The following PKD2L1 variants were observed in gnomAD, a reference collection of about 807,000 sequenced individuals.
PKD2L1 encodes polycystin 2 like 1, transient receptor potential cation channel, also known as polycystin-2-like protein 1.
Under a neutral mutation model 93.0 loss-of-function variants are expected in PKD2L1, and 77 were observed. The ratio of observed to expected loss-of-function variants is 0.83; its 90% CI spans 0.69 to 1.00. The LOEUF is 1.00. Among genes scored for constraint, PKD2L1 ranks in the 50% least tolerant of loss-of-function variants. The pLI is 0.00. For missense variants in PKD2L1, 977 were observed against 990.9 expected, an observed-to-expected ratio of 0.99 and a Z score of 0.19; for synonymous variants, 390 against 388.0, an observed-to-expected ratio of 1.01 and a Z score of -0.06.
At chr10:100,309,694 A>G (rs1310349930) in intron 2 of PKD2L1, among the ~76,000 whole-genome samples, 1 of 152,156 alleles carries the variant, frequency 6.6e-6, no homozygotes, top group Non-Finnish European at 1.5e-5. Flanking sequence ...AACCCATTTC[A>G]GGTCAAGGAG....
At chr10:100,303,200 T>C (rs1428874443) in intron 2 of PKD2L1, among the ~76,000 whole-genome samples, 1 of 144,322 alleles carries the variant, frequency 6.9e-6, no homozygotes. Context: ...TGTTTTTTTG[T>C]TTTTTTTTTT....
chr10:100,306,897 AAAAAAC>A (rs948023852), intron 2 of PKD2L1, among the ~76,000 whole-genome samples: 12 of 150,952 alleles, frequency 7.9e-5, no homozygotes, highest in African/African-American at 2.4e-4. Flanking sequence ...AGAAAGAAAG[AAAAAAC>A]AAAAACAAAA....
chr10:100,294,387 C>T (rs1439687796), intron 9 of PKD2L1, 148 bp downstream of exon 9: 10 of 809,114 alleles, frequency 1.2e-5, no homozygotes, highest in Non-Finnish European at 2.0e-5. Context: ...CTACATTAAC[C>T]ATCTCTCAGA....
chr10:100,302,150 TA>T (rs750377070), intron 2 of PKD2L1, among the ~76,000 whole-genome samples: 50 of 152,272 alleles, frequency 3.3e-4, no homozygotes, highest in Admixed American at 1.0e-3. Flanking sequence ...GGTGATTTTT[TA>T]AAATTCCACA....
chr10:100,302,466 G>A (rs1848703670), intron 2 of PKD2L1, among the ~76,000 whole-genome samples: 1 of 151,960 alleles, frequency 6.6e-6, no homozygotes, highest in Non-Finnish European at 1.5e-5. Context: ...GGTGGTGGAG[G>A]TGGGCGGATC....
Position 100,291,286 on chromosome 10 carries a change from A to G in PKD2L1, c.2007+15T>C. ...ATTTCCTTACACTGCCTCTCCACCC[A>G]TCAGCCCAGCTCACCCTCTCTTCCT... On this transcript the variant is annotated intron_variant, in intron 12 of 15. Coordinates refer to ENST00000318222, the MANE Select transcript of PKD2L1 (RefSeq NM_016112.3). 5 of 1,612,292 alleles carry G rather than the reference A, an allele frequency of 3.1e-6. No individual in the cohort carries two copies. The highest frequency in any genetic ancestry group is 4.2e-6 in the Non-Finnish European group (5 of 1,179,002).
chr10:100,321,750 A>G (rs866791599), intron 2 of PKD2L1, among the ~76,000 whole-genome samples: 11 of 5,740 alleles, frequency 1.9e-3, no homozygotes, highest in Non-Finnish European at 3.7e-3. Context: ...AAAGAAAGAA[A>G]GAAAGAAGGG....
intron 2 of PKD2L1, among the ~76,000 whole-genome samples, chr10:100,325,797 T>C (rs890873407): frequency 2.6e-5 from 4 of 152,208 alleles, no homozygotes; most frequent in Non-Finnish European, 5.9e-5. Context: ...TAGGCACTAT[T>C]TACCATGTGC....
In PKD2L1 at chr10:100,297,511, C is replaced by A; in HGVS notation, c.827G>T (p.Gly276Val). The A allele has an allele frequency of 6.2e-7, 1 of 1,614,162 alleles. No homozygotes were observed. Reference protein sequence around the residue: ...SGGGYYLDLPGSRQGSAEALR... With the variant: ...SGGGYYLDLPVSRQGSAEALR... ...AGCCTCTGCACTACCCTGTCGGGAT[C>A]CTGGAAGGTCCAGGTAGTAGCCACC... is the stretch of plus-strand genomic sequence containing the variant. Residue 276 changes from glycine (G) to valine (V), a missense_variant, in exon 5 of 16, where the codon GGA becomes GTA. By Grantham distance (109) the Gly-to-Val change is moderately radical. Coordinates refer to ENST00000318222, the MANE Select transcript of PKD2L1 (RefSeq NM_016112.3).
rs191308683 is a variant in PKD2L1, at chr10:100,292,630, T to C, written c.1880+318A>G. 3.0e-3 allele frequency among the ~76,000 whole-genome samples: 453 copies of C among 152,312 alleles called. 4 individuals carry two copies. The highest frequency in any genetic ancestry group is 0.011 in the African/African-American group (442 of 41,566). ...AATGGCTAAAGGAATAGATGAGTGT[T>C]TGTGGGGAAGCATAGAACAAAAATC... On this transcript the variant is annotated intron_variant, in intron 11 of 15. Transcript: ENST00000318222.
intron 2 of PKD2L1, among the ~76,000 whole-genome samples, chr10:100,313,285 G>A (rs7911598): frequency 0.57 from 86,996 of 151,978 alleles, 25,201 homozygotes; most frequent in Admixed American, 0.68. Context: ...TTTAGTGCTA[G>A]AAACCAAGGA....
In PKD2L1 at chr10:100,298,742, G is replaced by A; in HGVS notation, c.551C>T (p.Ser184Phe). Reference protein sequence around the residue: ...WYNNQSLGHGSHSFIYYENML... With the variant: ...WYNNQSLGHGFHSFIYYENML... ...GTTCTCATAGTAGATGAAGGAGTGG[G>A]AGCCATGGCCCAGGCTCTGGTTGTT... The change falls in exon 4 of 16, where the codon TCC becomes TTC. Residue 184 changes from serine (S) to phenylalanine (F), a missense_variant. Ser to Phe is a radical substitution (Grantham distance 155, BLOSUM62 -2). Coordinates refer to ENST00000318222, the MANE Select transcript of PKD2L1 (RefSeq NM_016112.3). The A allele has an allele frequency of 6.2e-7, 1 of 1,613,982 alleles. No individual in the cohort carries two copies. The highest frequency in any genetic ancestry group is 8.5e-7 in the Non-Finnish European group (1 of 1,179,990).
At chr10:100,328,576 G>C (rs1388102247) in intron 2 of PKD2L1, among the ~76,000 whole-genome samples, 1 of 142,842 alleles carries the variant, frequency 7.0e-6, no homozygotes, top group South Asian at 2.2e-4. Flanking sequence ...AAACAGAAGG[G>C]AGTGGTTTTC....
At position 100,329,929 on chromosome 10, in the gene PKD2L1, C is replaced by A; in HGVS notation, c.175G>T (p.Glu59Ter). ...GACACCTGGGTCCTGTATGCCGTCT[C>A]CTGGGGTTCATCTTCAGGCTTCTTG... ...QPKKPEDEPQ[E>*]TAYRTQVSSC... The change falls in exon 1 of 16, where the codon GAG becomes TAG. Residue 59 changes from glutamate to a stop codon, truncating the protein, a stop_gained. Coordinates refer to ENST00000318222, the MANE Select transcript of PKD2L1 (RefSeq NM_016112.3). LOFTEE classifies it high-confidence loss of function. 6.2e-7 allele frequency: 1 copy of A among 1,614,014 alleles called. No homozygotes were observed. Among genetic ancestry groups the A allele is most frequent in the South Asian group, 1.1e-5 (1 of 91,078 alleles).
rs889478600 is a variant in PKD2L1 at position 100,296,243 on chromosome 10, T to C, written c.1235A>G (p.Asn412Ser). ...GFHIFRTLEV[N>S]RLMGKLLQQP... ...CTGCAGGAGCTTCCCCATGAGCCGA[T>C]TCACCTCGAGGGTTCGGAATATGTG... The change falls in exon 7 of 16, where the codon AAT becomes AGT. Residue 412 changes from asparagine (N) to serine (S), a missense_variant. Coordinates refer to ENST00000318222, the MANE Select transcript of PKD2L1 (RefSeq NM_016112.3). 1.2e-6 allele frequency: 2 copies of C among 1,610,486 alleles called. No individual in the cohort carries two copies. The highest frequency in any genetic ancestry group is 1.7e-6 in the Non-Finnish European group (2 of 1,178,510).
chr10:100,294,002 A>T (rs1848464751), intron 9 of PKD2L1, among the ~76,000 whole-genome samples: 1 of 152,100 alleles, frequency 6.6e-6, no homozygotes, highest in South Asian at 2.1e-4. Flanking sequence ...GGTCCTATCT[A>T]CTCAGGAAGC....
chr10:100,311,171 T>G (rs1423250581), intron 2 of PKD2L1, among the ~76,000 whole-genome samples: 1 of 152,252 alleles, frequency 6.6e-6, no homozygotes, highest in Non-Finnish European at 1.5e-5. Context: ...CAATGAGAAC[T>G]ATGAAACCTA....
At chr10:100,313,379 C>T (rs1848976343) in intron 2 of PKD2L1, among the ~76,000 whole-genome samples, 1 of 152,146 alleles carries the variant, frequency 6.6e-6, no homozygotes, top group African/African-American at 2.4e-5. Context: ...GGAAACCAGG[C>T]AGGAAAAACC....
At chr10:100,301,434 C>G (rs912613526) in intron 2 of PKD2L1, among the ~76,000 whole-genome samples, 2 of 149,804 alleles carry the variant, frequency 1.3e-5, no homozygotes, top group African/African-American at 5.0e-5. Context: ...GCAGACACCC[C>G]CAGAGCAGCC....
Sources: gnomAD v4.1 joint callset for allele counts (sites outside exome capture counted in the v4.1 genomes callset) on GRCh38, gnomAD v4.1.1 for gene constraint, MANE v1.5 for transcripts, NCBI Gene and HGNC (gene_info 2026-07-23, HGNC 2026-07-21) for gene names.